Variants in USB1 observed in about 807,000 individuals in gnomAD.
USB1 encodes the protein U6 snRNA phosphodiesterase 1.
In USB1, 21 loss-of-function variants were observed where a neutral mutation model predicts 29.9. The observed-to-expected ratio is 0.70, with a 90% CI of 0.50 to 1.01. The LOEUF (loss-of-function observed/expected upper bound fraction) is 1.01. USB1 is among the 50% of genes least tolerant of loss of function. The pLI is 0.00. For synonymous variants in USB1, 143 were observed against 134.9 expected (o/e 1.06, Z -0.42); for missense variants, 330 against 347.1 (o/e 0.95, Z 0.39).
intron 3 of USB1, 135 bp from the exon 4 acceptor site, chr16:58,014,135 ACCT>A: frequency 5.6e-6 from 4 of 719,994 alleles, no homozygotes. Flanking sequence ...TCAGTATACC[ACCT>A]GCATAATGGG....
chr16:58,011,773 A>G (rs1963502305), intron 3 of USB1: 5 of 987,270 alleles, frequency 5.1e-6, no homozygotes, highest in Non-Finnish European at 4.8e-6. Context: ...TGGAGCCCAC[A>G]TTCCTCCAGG....
chr16:58,020,637 C>T lies in USB1; in HGVS notation c.*392C>T. 6.7e-6 allele frequency: 2 copies of T among 297,948 alleles called. No individual in the cohort carries two copies. Among genetic ancestry groups the T allele is most frequent in the Non-Finnish European group, 1.3e-5 (2 of 157,894 alleles). 18.5% of individuals were successfully genotyped at this position (297,948 alleles called of 1,614,324 possible). ...TCCTCCCCTCCTCTCTCTTCCTCTC[C>T]TCTCTCTCTTCCTCTCCTCTCTCTT... On this transcript the variant is annotated 3_prime_UTR_variant, in exon 7 of 7. Coordinates refer to ENST00000219281, the MANE Select transcript of USB1 (RefSeq NM_024598.4).
At position 58,020,776 on chromosome 16, in the gene USB1, T is replaced by G. The variant is rs1460657404; in HGVS notation, c.*531T>G. ...CTCCTCTCTCTCTCTTGCTTTCTTC[T>G]CTCTCTCCTGTCTCGGCTGTTGTGG... On this transcript the variant is annotated 3_prime_UTR_variant, in exon 7 of 7. Transcript: ENST00000219281. The G allele has an allele frequency of 1.7e-5, 3 of 181,660 alleles. No individual in the cohort carries two copies. The highest frequency in any genetic ancestry group is 1.1e-4 in the South Asian group (1 of 8,880). 11.3% of individuals were successfully genotyped at this position (181,660 alleles called of 1,614,324 possible).
chr16:58,005,032 G>A (rs1431395843), intron 2 of USB1, among the ~76,000 whole-genome samples: 1 of 152,162 alleles, frequency 6.6e-6, no homozygotes. Flanking sequence ...CTGCCTGGCA[G>A]CTGAGGCAGA....
intron 2 of USB1, among the ~76,000 whole-genome samples, chr16:58,007,368 T>TTTTGTTTG (rs149858196): frequency 1.3e-5 from 2 of 151,916 alleles, no homozygotes; most frequent in African/African-American, 2.4e-5. Flanking sequence ...GGAAGGTAAT[T>TTTTGTTTG]TTTGTTTGTT....
At chr16:58,014,195 T>G in intron 3 of USB1, 78 bp from the exon 4 acceptor site, 1 of 1,144,036 alleles carries the variant, frequency 8.7e-7, no homozygotes, top group Non-Finnish European at 1.3e-6. Flanking sequence ...TTCAAAGTGC[T>G]GTTTTTTTTT....
intron 6 of USB1, 87 bp from the exon 7 acceptor site, chr16:58,020,054 A>G (rs1178073142): frequency 8.5e-6 from 11 of 1,298,936 alleles, no homozygotes; most frequent in Non-Finnish European, 1.2e-5. Context: ...CAGCCTCTGA[A>G]GTTGGGTGAG....
chr16:58,003,214 C>T (rs1430093621), intron 2 of USB1, among the ~76,000 whole-genome samples: 1 of 152,188 alleles, frequency 6.6e-6, no homozygotes, highest in African/African-American at 2.4e-5. Context: ...CACTTGAGCC[C>T]AGGTGTTTGA....
chr16:58,019,047 G>C lies in USB1; in HGVS notation c.685G>C (p.Glu229Gln). The C allele has an allele frequency of 6.2e-7, 1 of 1,614,144 alleles. No homozygotes were observed. The highest frequency in any genetic ancestry group is 8.5e-7 in the Non-Finnish European group (1 of 1,180,012). Residue 229 changes from glutamate to glutamine, a missense_variant, in exon 6 of 7, where the codon GAA becomes CAA. Physicochemically the swap from Glu to Gln is conservative, Grantham distance 29. Transcript: ENST00000219281. ...RLQLEGQCLQ[E>Q]LQAIVDGFED... ...CCAGCTGGAGGGGCAGTGCCTGCAGGAACTACAGGTGAATTTCCAGGGCGG... is the reference window on the plus strand; with the variant it reads ...CCAGCTGGAGGGGCAGTGCCTGCAGCAACTACAGGTGAATTTCCAGGGCGG...
rs1470735272 is a variant in USB1 at position 58,009,957 on chromosome 16, G to A, written c.294G>A (p.Leu98=). The change falls in exon 3 of 7, where the codon CTG becomes CTA. Residue 98 remains leucine, a synonymous_variant. Transcript: ENST00000219281. ...PYEAKEEFLD[L]LDVLLPHAQT... ...AAGCCAAGGAGGAGTTCCTGGATCTGCTTGATGTGTTGCTGCCCCATGCCC... is the reference window on the plus strand; with the variant it reads ...AAGCCAAGGAGGAGTTCCTGGATCTACTTGATGTGTTGCTGCCCCATGCCC... 6.2e-7 allele frequency: 1 copy of A among 1,613,936 alleles called. No individual in the cohort carries two copies. The highest frequency in any genetic ancestry group is 1.7e-5 in the Admixed American group (1 of 60,012).
At position 58,002,680 on chromosome 16, in the gene USB1, C is replaced by T. The variant is rs1003649582; in HGVS notation, c.265+35C>T. Reference sequence around the variant, plus strand: ...GTGTGAAAGGCAAGTTGCCAAGACCCATAGACCCGTAGGTGCCTCATGAAG... The same window carrying T: ...GTGTGAAAGGCAAGTTGCCAAGACCTATAGACCCGTAGGTGCCTCATGAAG... On this transcript the variant is annotated intron_variant, in intron 2 of 6. Coordinates refer to ENST00000219281, the MANE Select transcript of USB1 (RefSeq NM_024598.4). 6 of 1,612,912 alleles carry T rather than the reference C, an allele frequency of 3.7e-6. No homozygotes were observed. In the African/African-American group the frequency reaches 5.3e-5, roughly 14 times the overall value.
chr16:58,002,501 C>G lies in USB1; in HGVS notation c.121C>G (p.Gln41Glu). 2 of 1,614,046 alleles carry G rather than the reference C, an allele frequency of 1.2e-6. No homozygotes were observed. Among genetic ancestry groups the G allele is most frequent in the South Asian group, 1.1e-5 (1 of 91,084 alleles). ...HRRGQSPLPR[Q>E]RFPVPDSVLN... ...CAGTGGCCAGAGCCCCCTTCCCAGG[C>G]AGAGATTTCCAGTACCTGACAGTGT... Residue 41 changes from glutamine (Q) to glutamate (E), a missense_variant, in exon 2 of 7, where the codon CAG becomes GAG. Physicochemically the swap from Gln to Glu is conservative, Grantham distance 29. Coordinates refer to ENST00000219281, the MANE Select transcript of USB1 (RefSeq NM_024598.4).
Position 58,013,568 on chromosome 16 carries a change from C to G in USB1, c.450-705C>G, listed in dbSNP as rs1037772483. 7.8e-5 allele frequency: 75 copies of G among 958,392 alleles called. No homozygotes were observed. The highest frequency in any genetic ancestry group is 9.0e-5 in the Non-Finnish European group (74 of 822,810). 59.4% of individuals were successfully genotyped at this position (958,392 alleles called of 1,614,324 possible). ...AGTCCAAGTCAAAGCACTTACCTAG[C>G]TGAGCCTGACTCTTCCCGTGTTATT... On this transcript the variant is annotated intron_variant, in intron 3 of 6. Coordinates refer to ENST00000219281, the MANE Select transcript of USB1 (RefSeq NM_024598.4). The surrounding 1 kb of genome is among the most constrained non-coding windows in gnomAD (Gnocchi z 4.3).
Position 58,014,299 on chromosome 16 carries a change from A to G in USB1, c.476A>G (p.Lys159Arg). The change falls in exon 4 of 7, where the codon AAG (lysine) becomes AGG (arginine). Residue 159 changes from lysine (K) to arginine (R), a missense_variant. Coordinates refer to ENST00000219281, the MANE Select transcript of USB1 (RefSeq NM_024598.4). ...HRFFFTANQV[K>R]IYTNQEKTRT... ...TTCTTCTTTACTGCCAACCAGGTAA[A>G]GATTTACACCAATCAAGAGAAAACC... 2 of 1,613,924 alleles carry G rather than the reference A, an allele frequency of 1.2e-6. No homozygotes were observed. Among genetic ancestry groups the G allele is most frequent in the Non-Finnish European group, 1.7e-6 (2 of 1,179,896 alleles).
rs146419360 is a variant in USB1 at position 58,020,201 on chromosome 16, C to T, written c.754C>T (p.Arg252Cys). Residue 252 changes from arginine (R) to cysteine (C), a missense_variant, in exon 7 of 7, where the codon CGC (arginine) becomes TGC (cysteine). Arg to Cys is a radical substitution (Grantham distance 180). Transcript: ENST00000219281. Reference sequence around the variant, plus strand: ...GCTGCGCGTGCACACTGAGCAAGTCCGCTGCAAGTCTGGGAACAAGTTCTT... The same window carrying T: ...GCTGCGCGTGCACACTGAGCAAGTCTGCTGCAAGTCTGGGAACAAGTTCTT... ...VLLRVHTEQV[R>C]CKSGNKFFSM... 5.9e-5 allele frequency: 96 copies of T among 1,614,012 alleles called. No homozygotes were observed. Among genetic ancestry groups the T allele is most frequent in the Admixed American group, 1.2e-4 (7 of 59,990 alleles).
intron 3 of USB1, chr16:58,011,280 C>T (rs1308550085): frequency 9.7e-6 from 14 of 1,441,274 alleles, no homozygotes; most frequent in Non-Finnish European, 1.3e-5. Context: ...TGGGAGCTAC[C>T]TCACTGGGGG....
intron 4 of USB1, chr16:58,016,886 G>T (rs770079930): frequency 2.4e-5 from 5 of 209,906 alleles, no homozygotes; most frequent in Non-Finnish European, 3.9e-5. Context: ...TGCTGAAACC[G>T]TGGGTTCAGG....
At chr16:58,004,445 C>T (rs116543845) in intron 2 of USB1, among the ~76,000 whole-genome samples, 1,564 of 151,930 alleles carry the variant, frequency 0.01, 36 homozygotes, top group African/African-American at 0.036. Flanking sequence ...TTTTTGGGGG[C>T]TTTTTTTGGT....
At chr16:58,017,038 A>C in intron 4 of USB1, 11 of 418,670 alleles carry the variant, frequency 2.6e-5, no homozygotes, top group Non-Finnish European at 4.1e-5. Context: ...ATGGGGGTGC[A>C]GAAGCTTCTG....
Sources: allele counts gnomAD v4.1 joint callset (sites outside exome capture counted in the v4.1 genomes callset), GRCh38; gene constraint gnomAD v4.1.1; non-coding constraint Gnocchi (gnomAD v3.1); transcripts MANE v1.5; gene names NCBI Gene and HGNC (gene_info 2026-07-23, HGNC 2026-07-21).